Variants in RXRG observed in about 807,000 individuals in gnomAD.
RXRG encodes retinoic acid receptor RXR-gamma.
Under a neutral mutation model 49.2 loss-of-function variants are expected in RXRG, and 19 were observed. That is an observed-to-expected ratio of 0.39 (90% CI 0.27 to 0.57). The LOEUF is 0.57. Among genes scored for constraint, RXRG ranks in the 20% least tolerant of loss-of-function variants. RXRG has a pLI of 0.64. For synonymous variants in RXRG, 224 were observed against 216.6 expected (o/e 1.03, Z -0.30); for missense variants, 452 against 592.5 (o/e 0.76, Z 2.46).
intron 9 of RXRG, among the ~76,000 whole-genome samples, chr1:165,403,438 A>G (rs1195650863): frequency 6.6e-6 from 1 of 152,238 alleles, no homozygotes; most frequent in African/African-American, 2.4e-5. Flanking sequence ...AAATGTGTAT[A>G]TTTCTACACT....
chr1:165,410,933 G>A lies in RXRG; in HGVS notation c.783+16C>T, dbSNP rs1657922787. On this transcript the variant is annotated intron_variant, in intron 5 of 9. Coordinates refer to ENST00000359842, the MANE Select transcript of RXRG (RefSeq NM_006917.5). The stretch of plus-strand genomic sequence containing the variant: ...CCCAAGAAATGGAACACACATGTGT[G>A]TCTAAGAGCACATACCGAGTTCTCC... The A allele has an allele frequency of 6.2e-7, 1 of 1,613,850 alleles. No individual in the cohort carries two copies. Among genetic ancestry groups the A allele is most frequent in the Admixed American group, 1.7e-5 (1 of 60,004 alleles).
intron 3 of RXRG, among the ~76,000 whole-genome samples, chr1:165,417,457 T>G (rs562052117): frequency 6.6e-6 from 1 of 152,336 alleles, no homozygotes; most frequent in African/African-American, 2.4e-5. Flanking sequence ...GAGAGAATTA[T>G]TAGAAAATTC....
intron 1 of RXRG, chr1:165,437,286 A>G: frequency 7.9e-7 from 1 of 1,266,362 alleles, no homozygotes; most frequent in South Asian, 1.2e-5. Context: ...TAAGACACCA[A>G]GAGCATGAAG....
intron 4 of RXRG, among the ~76,000 whole-genome samples, chr1:165,415,531 C>G (rs1364574927): frequency 7.4e-6 from 1 of 136,016 alleles, no homozygotes; most frequent in African/African-American, 2.8e-5. Context: ...TAGATCACTA[C>G]AAAATATACA....
chr1:165,443,011 C>A (rs903461713), intron 1 of RXRG, among the ~76,000 whole-genome samples: 1 of 152,182 alleles, frequency 6.6e-6, no homozygotes, highest in African/African-American at 2.4e-5. Context: ...AGCTCAGCCC[C>A]ATATAAATTT....
chr1:165,415,236 G>A (rs1454660369), intron 4 of RXRG, among the ~76,000 whole-genome samples: 1 of 152,178 alleles, frequency 6.6e-6, no homozygotes, highest in Non-Finnish European at 1.5e-5. Context: ...GACAGCAAGT[G>A]CAAAGGCCCT....
At chr1:165,422,295 C>T (rs1050014974) in intron 2 of RXRG, among the ~76,000 whole-genome samples, 2 of 152,216 alleles carry the variant, frequency 1.3e-5, no homozygotes, top group South Asian at 2.1e-4. Context: ...CAGATAAGGA[C>T]ATTGAGCCTT....
chr1:165,422,247 T>C (rs532164754), intron 2 of RXRG, among the ~76,000 whole-genome samples: 99 of 152,370 alleles, frequency 6.5e-4, no homozygotes, highest in African/African-American at 2.4e-3. Context: ...ATTAATTATG[T>C]TAATCCTCTC....
At chr1:165,437,797 A>G (rs958600875) in intron 1 of RXRG, among the ~76,000 whole-genome samples, 5 of 152,246 alleles carry the variant, frequency 3.3e-5, no homozygotes, top group African/African-American at 1.2e-4. Context: ...GGTCCTCGTT[A>G]GCAGGATCCC....
At chr1:165,401,470 T>C in intron 9 of RXRG, 60 bp from the exon 10 acceptor site, 1 of 1,598,572 alleles carries the variant, frequency 6.3e-7, no homozygotes, top group Non-Finnish European at 8.5e-7. Context: ...CACCTGCACC[T>C]GCTGGCAGGA....
intron 9 of RXRG, among the ~76,000 whole-genome samples, chr1:165,404,693 C>T (rs746720813): frequency 1.3e-5 from 2 of 152,166 alleles, no homozygotes; most frequent in African/African-American, 4.8e-5. Flanking sequence ...AATAGATACA[C>T]GACAACACTG....
intron 2 of RXRG, among the ~76,000 whole-genome samples, chr1:165,425,474 T>C (rs1421538027): frequency 6.6e-6 from 1 of 152,170 alleles, no homozygotes; most frequent in Admixed American, 6.5e-5. Flanking sequence ...ACATAAGTAG[T>C]TATTGGGATG....
rs1252417644 is a variant in RXRG, at chr1:165,417,021, T to C, written c.622+20A>G. On this transcript the variant is annotated intron_variant, in intron 4 of 9. Coordinates refer to ENST00000359842, the MANE Select transcript of RXRG (RefSeq NM_006917.5). ...AATGCCTCTCTCCGGACACGAGTTT[T>C]GGAACTGAATGTGTCTCACCTTCCC... 1.2e-6 allele frequency: 2 copies of C among 1,601,914 alleles called. No individual in the cohort carries two copies. The highest frequency in any genetic ancestry group is 2.7e-5 in the African/African-American group (2 of 74,628).
At chr1:165,412,202 A>G (rs374113495) in intron 4 of RXRG, among the ~76,000 whole-genome samples, 1 of 152,174 alleles carries the variant, frequency 6.6e-6, no homozygotes, top group East Asian at 1.9e-4. Flanking sequence ...TGCGAGCCAT[A>G]TCAGTCTCTC....
chr1:165,402,053 A>G (rs1287675612), intron 9 of RXRG, among the ~76,000 whole-genome samples: 1 of 151,876 alleles, frequency 6.6e-6, no homozygotes, highest in African/African-American at 2.4e-5. Context: ...CACAGTCACC[A>G]AATTTTTGTT....
chr1:165,427,724 G>A (rs984245709), intron 2 of RXRG, among the ~76,000 whole-genome samples: 3 of 152,210 alleles, frequency 2.0e-5, no homozygotes, highest in Non-Finnish European at 4.4e-5. Context: ...TTATAGGCAT[G>A]AGCCACCGTG....
chr1:165,439,219 T>A (rs896124598), intron 1 of RXRG, among the ~76,000 whole-genome samples: 1 of 142,758 alleles, frequency 7.0e-6, no homozygotes, highest in African/African-American at 2.6e-5. Context: ...TATCAATCTT[T>A]CCCTGCTTTT....
intron 1 of RXRG, among the ~76,000 whole-genome samples, chr1:165,435,729 C>T (rs142859297): frequency 6.6e-6 from 1 of 152,290 alleles, no homozygotes; most frequent in African/African-American, 2.4e-5. Flanking sequence ...GACTGGGCCC[C>T]CAAAGGTGCT....
intron 1 of RXRG, among the ~76,000 whole-genome samples, chr1:165,432,997 G>T (rs1658716531): frequency 6.6e-6 from 1 of 152,056 alleles, no homozygotes; most frequent in African/African-American, 2.4e-5. Context: ...GGCCATGAGG[G>T]CACCACCCTC....
Sources: gnomAD v4.1 joint callset for allele counts (sites outside exome capture counted in the v4.1 genomes callset) on GRCh38, gnomAD v4.1.1 for gene constraint, MANE v1.5 for transcripts, NCBI Gene and HGNC (gene_info 2026-07-23, HGNC 2026-07-21) for gene names.